The following BTBD7 variants were observed in gnomAD, a reference collection of about 807,000 sequenced individuals.
The protein encoded by BTBD7 is BTB/POZ domain-containing protein 7.
A neutral mutation model predicts 99.9 loss-of-function variants in BTBD7; 38 were observed. The ratio of observed to expected loss-of-function variants is 0.38; its 90% CI spans 0.29 to 0.50. The LOEUF (loss-of-function observed/expected upper bound fraction) is 0.50, where lower values mean the gene tolerates loss of function less well. Ranked by LOEUF, BTBD7 falls within the 20% of genes least tolerant of loss-of-function variation. The pLI is 0.93. For synonymous variants in BTBD7, 520 were observed against 511.4 expected, an observed-to-expected ratio of 1.02 and a Z score of -0.23; for missense variants, 1,170 against 1,394.6, an observed-to-expected ratio of 0.84 and a Z score of 2.57.
intron 3 of BTBD7, among the ~76,000 whole-genome samples, chr14:93,271,939 G>C (rs2139722850): frequency 6.6e-6 from 1 of 152,336 alleles, no homozygotes; most frequent in South Asian, 2.1e-4. Flanking sequence ...CTGGGAGGTA[G>C]AGGTTGCAGT....
At chr14:93,308,773 C>T (rs2053101733) in intron 1 of BTBD7, among the ~76,000 whole-genome samples, 2 of 152,100 alleles carry the variant, frequency 1.3e-5, no homozygotes, top group Non-Finnish European at 2.9e-5. Flanking sequence ...ATGGATTCCA[C>T]TTATATGAAG....
At chr14:93,315,078 T>A (rs1182461070) in intron 1 of BTBD7, among the ~76,000 whole-genome samples, 1 of 152,176 alleles carries the variant, frequency 6.6e-6, no homozygotes, top group African/African-American at 2.4e-5. Context: ...AACTTCTGGG[T>A]TTCCTCCTTC....
chr14:93,272,250 C>T (rs2052608890), intron 3 of BTBD7, among the ~76,000 whole-genome samples: 1 of 152,148 alleles, frequency 6.6e-6, no homozygotes, highest in African/African-American at 2.4e-5. Context: ...CCACTGCACT[C>T]CAGCCTGGGC....
In BTBD7 at chr14:93,302,134, T is replaced by C. The variant is rs540602355; in HGVS notation, c.-106-5977A>G. ...CTGGAAATCAGTTGTTCAGCATTCC[T>C]TCCAGAGGTGAGACACTCAACAACC... On this transcript the variant is annotated intron_variant, in intron 1 of 10. Transcript: ENST00000334746. Among the ~76,000 whole-genome samples, 17 of 152,354 alleles carry C rather than the reference T, an allele frequency of 1.1e-4. 1 individual carries two copies. Among genetic ancestry groups the C allele is most frequent in the African/African-American group, 3.4e-4 (14 of 41,582 alleles).
At chr14:93,303,183 A>G (rs1325851503) in intron 1 of BTBD7, among the ~76,000 whole-genome samples, 2 of 152,234 alleles carry the variant, frequency 1.3e-5, no homozygotes, top group South Asian at 2.1e-4. Flanking sequence ...CTTGATGCAG[A>G]AAGACTTATT....
At chr14:93,326,983 C>T (rs34625843) in intron 1 of BTBD7, among the ~76,000 whole-genome samples, 25,613 of 151,622 alleles carry the variant, frequency 0.17, 2,368 homozygotes, top group East Asian at 0.31. Flanking sequence ...CTAGGCAACA[C>T]TGCAAGGCCC....
chr14:93,250,573 C>T (rs2052358725), intron 8 of BTBD7, among the ~76,000 whole-genome samples: 1 of 152,152 alleles, frequency 6.6e-6, no homozygotes. Context: ...CATTTATAAG[C>T]AGAAATAAAT....
At chr14:93,249,945 C>G (rs11628392) in intron 8 of BTBD7, among the ~76,000 whole-genome samples, 5,627 of 152,208 alleles carry the variant, frequency 0.037, 137 homozygotes, top group South Asian at 0.077. Context: ...TTACTGAGTG[C>G]TTACTTTGTG....
At chr14:93,304,081 G>A (rs926379581) in intron 1 of BTBD7, among the ~76,000 whole-genome samples, 28 of 152,216 alleles carry the variant, frequency 1.8e-4, no homozygotes, top group Admixed American at 2.0e-4. Context: ...TAAGCAGAGG[G>A]TGAAAAATTA....
intron 8 of BTBD7, among the ~76,000 whole-genome samples, chr14:93,248,885 ATTAT>A (rs1375707269): frequency 4.6e-5 from 7 of 152,222 alleles, no homozygotes; most frequent in African/African-American, 1.7e-4. Context: ...CCCGAGTTGT[ATTAT>A]TTAGTTTACA....
At position 93,332,940 on chromosome 14, in the gene BTBD7, C is replaced by T; in HGVS notation, c.-227G>A. 5.3e-6 allele frequency: 1 copy of T among 188,950 alleles called. No homozygotes were observed. The highest frequency in any genetic ancestry group is 7.0e-6 in the Non-Finnish European group (1 of 143,408). 11.7% of individuals were successfully genotyped at this position (188,950 alleles called of 1,614,324 possible). A position where few individuals can be genotyped will look rare whatever the true frequency, so the allele number is the denominator to read the frequency against. On this transcript the variant is annotated 5_prime_UTR_variant, in exon 1 of 11. Coordinates refer to ENST00000334746, the MANE Select transcript of BTBD7 (RefSeq NM_001002860.4). ...GCACCCCCGGCCATCCTCCTCCCAC[C>T]GCCGCCGCCGCCGCCCTCTCCTCTC...
intron 10 of BTBD7, 111 bp from the exon 11 acceptor site, chr14:93,243,199 TG>T: frequency 9.1e-7 from 1 of 1,099,990 alleles, no homozygotes; most frequent in East Asian, 2.6e-5. Context: ...ATTCTGTTTT[TG>T]TTTTTTTTTT....
rs749943034 is a variant in BTBD7, at chr14:93,246,063, T to C, written c.2345A>G (p.Gln782Arg). 1.6e-5 allele frequency: 25 copies of C among 1,604,736 alleles called. No homozygotes were observed. The highest frequency in any genetic ancestry group is 2.1e-5 in the Non-Finnish European group (25 of 1,178,888). The change falls in exon 10 of 11, where the codon CAA becomes CGA. Residue 782 changes from glutamine (Q) to arginine (R), a missense_variant. Gln to Arg is a conservative substitution (Grantham distance 43). This residue lies in a region of BTBD7 where 495 missense variants were observed against 525.9 expected (regional missense o/e 0.94). Transcript: ENST00000334746. The stretch of plus-strand genomic sequence containing the variant: ...TGAAGGGTGCTGACTGGGAGGTCTT[T>C]GCTTCCAGCCTGCTTTGAGTTGGTT... ...IHNQLKAGWK[Q>R]RPPSQHPSRS...
At chr14:93,332,700 G>A (rs2053461634) in intron 1 of BTBD7, 120 bp downstream of exon 1, 4 of 1,299,026 alleles carry the variant, frequency 3.1e-6, no homozygotes, top group Non-Finnish European at 3.9e-6. Flanking sequence ...TCCCGCGGCG[G>A]CTTGGCCCCA....
intron 3 of BTBD7, among the ~76,000 whole-genome samples, chr14:93,281,809 GAT>G (rs1157197565): frequency 6.6e-6 from 1 of 152,136 alleles, no homozygotes; most frequent in Non-Finnish European, 1.5e-5. Flanking sequence ...TACACTTTCT[GAT>G]ATGTTTCTGT....
chr14:93,284,265 G>A (rs2052753293), intron 3 of BTBD7, among the ~76,000 whole-genome samples: 1 of 152,168 alleles, frequency 6.6e-6, no homozygotes, highest in Non-Finnish European at 1.5e-5. Flanking sequence ...TAAACAGTGA[G>A]TTGATGAGAC....
In BTBD7 at chr14:93,322,081, GTTGT is replaced by G. The variant is rs560687711; in HGVS notation, c.-107+10735_-107+10738del. On this transcript the variant is annotated intron_variant, in intron 1 of 10. Coordinates refer to ENST00000334746, the MANE Select transcript of BTBD7 (RefSeq NM_001002860.4). ...CAAAAAGGAATTTGGACTTAAAAGA[GTTGT>G]TTGTTGTTTTTTAAAAAAATATGCT... Among the ~76,000 whole-genome samples the G allele has an allele frequency of 1.1e-4, 16 of 152,102 alleles. 1 individual carries two copies. In the South Asian group the frequency reaches 2.1e-3, roughly 20 times the overall value.
chr14:93,311,671 C>A (rs1450987432), intron 1 of BTBD7, among the ~76,000 whole-genome samples: 2 of 151,880 alleles, frequency 1.3e-5, no homozygotes, highest in Non-Finnish European at 2.9e-5. Flanking sequence ...TAGTTTATCA[C>A]AAAATATTCA....
In BTBD7 at chr14:93,242,793, A is replaced by G. The variant is rs2139669733; in HGVS notation, c.2879T>C (p.Leu960Pro). ...NAACRPSTPA[L>P]SRRTPSPSQG... Reference sequence around the variant, plus strand: ...CGAAGGGGAAGGGGTGCGTCTGCTGAGAGCAGGAGTAGAAGGTCTGCAAGC... The same window carrying G: ...CGAAGGGGAAGGGGTGCGTCTGCTGGGAGCAGGAGTAGAAGGTCTGCAAGC... The change falls in exon 11 of 11, where the codon CTC becomes CCC. Residue 960 changes from leucine (L) to proline (P), a missense_variant. Coordinates refer to ENST00000334746, the MANE Select transcript of BTBD7 (RefSeq NM_001002860.4). The G allele has an allele frequency of 6.2e-7, 1 of 1,614,198 alleles. No individual in the cohort carries two copies. The highest frequency in any genetic ancestry group is 8.5e-7 in the Non-Finnish European group (1 of 1,180,044).
Sources: gnomAD v4.1 joint callset for allele counts (sites outside exome capture counted in the v4.1 genomes callset) on GRCh38, gnomAD v4.1.1 for gene constraint, gnomAD v4.1.1 regional missense constraint, MANE v1.5 for transcripts, NCBI Gene and HGNC (gene_info 2026-07-23, HGNC 2026-07-21) for gene names.